ENAH: variants seen among roughly 807,000 people sequenced by gnomAD.
The protein encoded by ENAH is ENAH actin regulator, also known as protein enabled homolog.
ENAH carries 23 observed loss-of-function variants against 78.7 expected under a neutral mutation model. That is an observed-to-expected ratio of 0.29 (90% CI 0.21 to 0.41). The LOEUF is 0.41. ENAH is among the 10% of genes least tolerant of loss of function. The pLI is 1.00. For missense variants in ENAH, 544 were observed against 691.0 expected (o/e 0.79, Z 2.39); for synonymous variants, 226 against 241.0 (o/e 0.94, Z 0.58).
intron 13 of ENAH, 22 bp from the exon 14 acceptor site, chr1:225,497,834 T>C: frequency 6.2e-7 from 1 of 1,605,610 alleles, no homozygotes; most frequent in Non-Finnish European, 8.5e-7. Flanking sequence ...AGAACAAGTA[T>C]TGAAAATAAA....
At chr1:225,626,314 G>GT (rs1310418261) in intron 1 of ENAH, among the ~76,000 whole-genome samples, 1 of 152,208 alleles carries the variant, frequency 6.6e-6, no homozygotes, top group Non-Finnish European at 1.5e-5. Flanking sequence ...TACAAACTGG[G>GT]TATCGTTCTA....
intron 9 of ENAH, among the ~76,000 whole-genome samples, chr1:225,512,099 T>C (rs1286577301): frequency 1.3e-5 from 2 of 152,142 alleles, no homozygotes; most frequent in African/African-American, 4.8e-5. Context: ...CACTAGCCAA[T>C]GCTACAAAGC....
chr1:225,639,817 G>A (rs1660715921), intron 1 of ENAH, among the ~76,000 whole-genome samples: 1 of 151,758 alleles, frequency 6.6e-6, no homozygotes, highest in South Asian at 2.1e-4. Flanking sequence ...TGGTCCACTT[G>A]TTACCAATAT....
At chr1:225,547,194 C>T (rs566289813) in intron 3 of ENAH, among the ~76,000 whole-genome samples, 13 of 152,152 alleles carry the variant, frequency 8.5e-5, no homozygotes, top group African/African-American at 2.6e-4. Context: ...GCCTCAGCCT[C>T]TTGAGTAGCT....
chr1:225,578,708 A>G (rs1384477648), intron 1 of ENAH, among the ~76,000 whole-genome samples: 2 of 151,680 alleles, frequency 1.3e-5, no homozygotes, highest in Non-Finnish European at 2.9e-5. Flanking sequence ...GTTTCAGAAG[A>G]ATGCACTCTA....
chr1:225,509,413 C>T (rs2096359225), intron 10 of ENAH, among the ~76,000 whole-genome samples: 1 of 152,150 alleles, frequency 6.6e-6, no homozygotes, highest in Admixed American at 6.5e-5. Context: ...TCAGCCAAAC[C>T]AGAACTATCT....
intron 1 of ENAH, among the ~76,000 whole-genome samples, chr1:225,633,591 TC>T (rs1659515144): frequency 6.6e-6 from 1 of 152,222 alleles, no homozygotes; most frequent in Non-Finnish European, 1.5e-5. Flanking sequence ...ACTGTATGAC[TC>T]CAGCCAAGTC....
chr1:225,548,923 C>T (rs1295581759), intron 3 of ENAH, among the ~76,000 whole-genome samples: 1 of 149,902 alleles, frequency 6.7e-6, no homozygotes, highest in Non-Finnish European at 1.5e-5. Context: ...GATCTCAGCT[C>T]ACTGCAACCT....
intron 3 of ENAH, among the ~76,000 whole-genome samples, chr1:225,531,538 AAGTAAAGAAACAGT>A (rs2096537382): frequency 1.3e-5 from 2 of 152,118 alleles, no homozygotes; most frequent in Non-Finnish European, 2.9e-5. Flanking sequence ...GTAAACAAGA[AAGTAAAGAAACAGT>A]AGTTATCTTC....
At chr1:225,562,815 G>T (rs576376984) in intron 2 of ENAH, among the ~76,000 whole-genome samples, 93 of 151,810 alleles carry the variant, frequency 6.1e-4, no homozygotes, top group Middle Eastern at 6.9e-3. Flanking sequence ...ATTAAGATAT[G>T]TAAGAATGAT....
At chr1:225,630,991 A>C (rs980297951) in intron 1 of ENAH, among the ~76,000 whole-genome samples, 1 of 152,242 alleles carries the variant, frequency 6.6e-6, no homozygotes, top group African/African-American at 2.4e-5. Flanking sequence ...TAGTAAGTAC[A>C]GAAAGACTTC....
At chr1:225,609,040 G>A (rs1012215230) in intron 1 of ENAH, among the ~76,000 whole-genome samples, 14 of 151,936 alleles carry the variant, frequency 9.2e-5, no homozygotes, top group Admixed American at 6.6e-4. Context: ...TGCTTCCCAT[G>A]CTTTATTTCT....
chr1:225,539,240 T>C (rs1471611684), intron 3 of ENAH, among the ~76,000 whole-genome samples: 1 of 152,194 alleles, frequency 6.6e-6, no homozygotes, highest in Non-Finnish European at 1.5e-5. Context: ...GCTACTGTTC[T>C]TGTTCCATGA....
intron 3 of ENAH, among the ~76,000 whole-genome samples, chr1:225,548,618 C>T (rs557710963): frequency 1.3e-5 from 2 of 152,310 alleles, no homozygotes; most frequent in African/African-American, 4.8e-5. Context: ...TTTGTGCCTC[C>T]CTTTCTAGGT....
At chr1:225,578,513 G>T (rs1361156706) in intron 1 of ENAH, among the ~76,000 whole-genome samples, 1 of 152,092 alleles carries the variant, frequency 6.6e-6, no homozygotes, top group Non-Finnish European at 1.5e-5. Context: ...TAACAAACTA[G>T]TAAGACTGAG....
chr1:225,643,033 T>C (rs17569145), intron 1 of ENAH, among the ~76,000 whole-genome samples: 6,366 of 152,302 alleles, frequency 0.042, 214 homozygotes, highest in South Asian at 0.1. Context: ...CTCCCTTTAG[T>C]CATTTTGTTT....
Position 225,567,371 on chromosome 1 carries a change from C to T in ENAH, c.49G>A (p.Asp17Asn). The change falls in exon 2 of 14, where the codon GAT (aspartate) becomes AAT (asparagine). Residue 17 changes from aspartate to asparagine, a missense_variant. By Grantham distance (23) the Asp-to-Asn change is conservative. Transcript: ENST00000366843. ...CQARAAVMVY[D>N]DANKKWVPAG... is the part of the protein sequence containing the mutation. ...GGCACCCACTTCTTATTGGCATCAT[C>T]ATAAACCATCACAGCAGCTCTTGCC... 6.2e-7 allele frequency: 1 copy of T among 1,614,070 alleles called. No homozygotes were observed. The highest frequency in any genetic ancestry group is 8.5e-7 in the Non-Finnish European group (1 of 1,179,964).
rs553818035 is a variant in ENAH at position 225,511,263 on chromosome 1, G to C, written c.1471+548C>G. Among the ~76,000 whole-genome samples, 35 of 152,212 alleles carry C rather than the reference G, an allele frequency of 2.3e-4. 1 individual carries two copies. In the East Asian group the frequency reaches 4.1e-3, roughly 18 times the overall value. On this transcript the variant is annotated intron_variant, in intron 10 of 13. Coordinates refer to ENST00000366843, the MANE Select transcript of ENAH (RefSeq NM_018212.6). ...TAACATGTGAATATGTAATGAGTTC[G>C]TATTCTCATCTTGGATACAGTACTC...
chr1:225,628,368 T>C (rs1210764636), intron 1 of ENAH, among the ~76,000 whole-genome samples: 1 of 152,074 alleles, frequency 6.6e-6, no homozygotes, highest in Non-Finnish European at 1.5e-5. Context: ...TAGTCTGCAA[T>C]TAGGAGGGGA....
Sources: allele counts gnomAD v4.1 joint callset (sites outside exome capture counted in the v4.1 genomes callset), GRCh38; gene constraint gnomAD v4.1.1; transcripts MANE v1.5; gene names NCBI Gene and HGNC (gene_info 2026-07-23, HGNC 2026-07-21).